The following STK24 variants were observed in gnomAD, a reference collection of about 807,000 sequenced individuals.
The protein encoded by STK24 is serine/threonine kinase 24, also known as serine/threonine-protein kinase 24.
STK24 carries 21 observed loss-of-function variants against 55.6 expected under a neutral mutation model. The ratio of observed to expected loss-of-function variants is 0.38; its 90% CI spans 0.27 to 0.54. The LOEUF (loss-of-function observed/expected upper bound fraction) is 0.54, where lower values mean the gene tolerates loss of function less well. Among genes scored for constraint, STK24 ranks in the 20% least tolerant of loss-of-function variants. The probability of loss-of-function intolerance (pLI) is 0.79; values close to 1 mark genes in which losing one functional copy is unlikely to be tolerated. For missense variants in STK24, 383 were observed against 538.4 expected, an observed-to-expected ratio of 0.71 and a Z score of 2.86; for synonymous variants, 200 against 215.2, an observed-to-expected ratio of 0.93 and a Z score of 0.62.
intron 10 of STK24, chr13:98,455,294 T>A (rs916762188): frequency 1.3e-5 from 2 of 152,226 alleles, no homozygotes; most frequent in Admixed American, 1.3e-4. Flanking sequence ...TTGCCCAGCC[T>A]GGAGTGCAAA....
At chr13:98,518,128 C>T (rs574335172) in intron 2 of STK24, among the ~76,000 whole-genome samples, 1 of 152,342 alleles carries the variant, frequency 6.6e-6, no homozygotes, top group South Asian at 2.1e-4. Flanking sequence ...CAAAATGCTA[C>T]ATTTGACCTA....
At chr13:98,510,367 C>T (rs1895841286) in intron 2 of STK24, among the ~76,000 whole-genome samples, 2 of 152,238 alleles carry the variant, frequency 1.3e-5, no homozygotes, top group East Asian at 1.9e-4. Flanking sequence ...TACTCTGATA[C>T]TGGAACCCAA....
rs138316496 is a variant in STK24 at position 98,446,732 on chromosome 13, A to C, written c.*6441T>G. On this transcript the variant is annotated 3_prime_UTR_variant, in exon 11 of 11. Transcript: ENST00000539966. ...GCTCACCATCCCCTCTGAGTCCGAGAACATCCAGAAAGACTACGTGTTCAA... is the reference window on the plus strand; with the variant it reads ...GCTCACCATCCCCTCTGAGTCCGAGCACATCCAGAAAGACTACGTGTTCAA... 12 of 1,614,058 alleles carry C rather than the reference A, an allele frequency of 7.4e-6. No individual in the cohort carries two copies. Among genetic ancestry groups the C allele is most frequent in the African/African-American group, 2.7e-5 (2 of 74,924 alleles).
chr13:98,486,745 C>T (rs1301166655), intron 2 of STK24, among the ~76,000 whole-genome samples: 1 of 152,218 alleles, frequency 6.6e-6, no homozygotes, highest in Non-Finnish European at 1.5e-5. Flanking sequence ...GCTGACAAAT[C>T]TGACATGGTT....
intron 1 of STK24, among the ~76,000 whole-genome samples, chr13:98,555,730 G>C (rs1268519820): frequency 7.4e-6 from 1 of 135,828 alleles, no homozygotes; most frequent in African/African-American, 2.8e-5. Flanking sequence ...ACCCAGACTG[G>C]AGTGCAGTGG....
rs1256270414 is a variant in STK24, at chr13:98,556,353, C to T, written c.42+20392G>A. Among the ~76,000 whole-genome samples the T allele has an allele frequency of 5.3e-5, 8 of 152,344 alleles. 1 individual carries two copies. Among genetic ancestry groups the T allele is most frequent in the Non-Finnish European group, 7.3e-5 (5 of 68,032 alleles). ...ATTAAGGCTGGGTGCTGCGGGCAGC[C>T]GCCTTTATCATCGGCTGGGGCACAC... is the stretch of plus-strand genomic sequence containing the variant. On this transcript the variant is annotated intron_variant, in intron 1 of 10. Transcript: ENST00000539966.
rs373262211 is a variant in STK24 at position 98,449,751 on chromosome 13, A to ATGTT, written c.*3418_*3421dup. ...CCTCACGCCACAATCCAGCATATTG[A>ATGTT]TGTTTTAAGGCAAAACAACCAACTT... On this transcript the variant is annotated 3_prime_UTR_variant, in exon 11 of 11. Coordinates refer to ENST00000539966, the MANE Select transcript of STK24 (RefSeq NM_001032296.4). 56 of 144,748 alleles carry ATGTT rather than the reference A, an allele frequency of 3.9e-4. No homozygotes were observed. Among genetic ancestry groups the ATGTT allele is most frequent in the African/African-American group, 1.3e-3 (52 of 38,792 alleles). 9.0% of individuals were successfully genotyped at this position (144,748 alleles called of 1,614,324 possible). A position where few individuals can be genotyped will look rare whatever the true frequency, so the allele number is the denominator to read the frequency against.
At chr13:98,504,825 T>A (rs150884204) in intron 2 of STK24, among the ~76,000 whole-genome samples, 78 of 152,244 alleles carry the variant, frequency 5.1e-4, no homozygotes, top group Non-Finnish European at 8.8e-4. Context: ...CAGTACTCCA[T>A]CCACATGTGC....
Position 98,482,527 on chromosome 13 carries a change from G to A in STK24, c.274-206C>T, listed in dbSNP as rs76061792. On this transcript the variant is annotated intron_variant, in intron 2 of 10. Coordinates refer to ENST00000539966, the MANE Select transcript of STK24 (RefSeq NM_001032296.4). ...CCATCATGCTCTGGGAGGGAGCTGT[G>A]GGGTGTGCTCGGGGGCCCGCACCTG... 2.0e-5 allele frequency among the ~76,000 whole-genome samples: 3 copies of A among 152,336 alleles called. No homozygotes were observed. In the East Asian group the frequency reaches 5.8e-4, roughly 29 times the overall value.
chr13:98,519,186 T>C, intron 2 of STK24, 57 bp downstream of exon 2: 1 of 1,428,748 alleles, frequency 7.0e-7, no homozygotes, highest in South Asian at 1.2e-5. Context: ...TCCCATTCCC[T>C]GCTGGCACCT....
At chr13:98,511,621 A>C (rs539626276) in intron 2 of STK24, among the ~76,000 whole-genome samples, 1 of 152,338 alleles carries the variant, frequency 6.6e-6, no homozygotes, top group East Asian at 1.9e-4. Context: ...GGAACAAACA[A>C]GTGACACATG....
intron 1 of STK24, among the ~76,000 whole-genome samples, chr13:98,524,476 T>A (rs1282661503): frequency 2.0e-5 from 3 of 152,156 alleles, no homozygotes; most frequent in Non-Finnish European, 4.4e-5. Flanking sequence ...CTGCTAGACC[T>A]GGGGCGAGAC....
intron 1 of STK24, among the ~76,000 whole-genome samples, chr13:98,573,211 A>G (rs935550762): frequency 1.8e-4 from 28 of 152,240 alleles, no homozygotes; most frequent in Admixed American, 5.2e-4. Flanking sequence ...TATTTCTTAC[A>G]TGGGTCACGG....
chr13:98,521,692 A>G, intron 1 of STK24: 1 of 729,596 alleles, frequency 1.4e-6, no homozygotes. Flanking sequence ...CGGGGGAAGC[A>G]GCGCATCCTT....
At chr13:98,482,380 T>C in intron 2 of STK24, 59 bp from the exon 3 acceptor site, 1 of 1,046,180 alleles carries the variant, frequency 9.6e-7, no homozygotes, top group South Asian at 1.4e-5. Flanking sequence ...AAATTTTTTT[T>C]AATAATCAAA....
intron 1 of STK24, among the ~76,000 whole-genome samples, chr13:98,559,945 T>G (rs1312482996): frequency 6.6e-6 from 1 of 151,818 alleles, no homozygotes; most frequent in African/African-American, 2.4e-5. Context: ...ACCCAGGAGT[T>G]CAAGTCCAGA....
At chr13:98,528,575 T>C (rs1340081038) in intron 1 of STK24, among the ~76,000 whole-genome samples, 2 of 152,258 alleles carry the variant, frequency 1.3e-5, no homozygotes, top group Non-Finnish European at 2.9e-5. Flanking sequence ...CACTTTATTA[T>C]ATTCCATAAT....
intron 1 of STK24, among the ~76,000 whole-genome samples, chr13:98,554,538 T>C (rs894401222): frequency 6.6e-6 from 1 of 152,168 alleles, no homozygotes; most frequent in Non-Finnish European, 1.5e-5. Context: ...AAACCTGGCA[T>C]TTTAGGCCAG....
chr13:98,466,548 G>A lies in STK24; in HGVS notation c.611C>T (p.Ser204Phe). The A allele has an allele frequency of 1.2e-6, 2 of 1,613,684 alleles. No individual in the cohort carries two copies. Among genetic ancestry groups the A allele is most frequent in the East Asian group, 2.2e-5 (1 of 44,890 alleles). Residue 204 changes from serine to phenylalanine, a missense_variant, in exon 6 of 11, where the codon TCC becomes TTC. Physicochemically the swap from Ser to Phe is radical, Grantham distance 155 (BLOSUM62 -2). Coordinates refer to ENST00000539966, the MANE Select transcript of STK24 (RefSeq NM_001032296.4). ...SAYDSKADIW[S>F]LGITAIELAR... ...AAGTTCAATAGCTGTTATGCCCAGG[G>A]ACCAGATGTCTGCCTGCAACAAGAA...
Sources: allele counts gnomAD v4.1 joint callset (sites outside exome capture counted in the v4.1 genomes callset), GRCh38; gene constraint gnomAD v4.1.1; transcripts MANE v1.5; gene names NCBI Gene and HGNC (gene_info 2026-07-23, HGNC 2026-07-21).